ADAMTS12: variants seen among roughly 807,000 people sequenced by gnomAD.
ADAMTS12 encodes the protein ADAM metallopeptidase with thrombospondin type 1 motif 12, also known as A disintegrin and metalloproteinase with thrombospondin motifs 12.
Under a neutral mutation model 167.8 loss-of-function variants are expected in ADAMTS12, and 118 were observed. The observed-to-expected ratio is 0.70, with a 90% CI of 0.61 to 0.82. The LOEUF (loss-of-function observed/expected upper bound fraction) is 0.82. Among genes scored for constraint, ADAMTS12 ranks in the 40% least tolerant of loss-of-function variants. ADAMTS12 has a pLI of 0.00. For synonymous variants in ADAMTS12, 704 were observed against 716.9 expected (o/e 0.98, Z 0.29); for missense variants, 1,916 against 1,998.8 (o/e 0.96, Z 0.79).
intron 3 of ADAMTS12, among the ~76,000 whole-genome samples, chr5:33,725,778 G>A (rs1324162052): frequency 6.6e-6 from 1 of 152,110 alleles, no homozygotes; most frequent in Non-Finnish European, 1.5e-5. Context: ...ATCAAAGTAG[G>A]TTCCCAGGAC....
At chr5:33,828,894 CCT>C (rs1342883271) in intron 2 of ADAMTS12, among the ~76,000 whole-genome samples, 1 of 152,088 alleles carries the variant, frequency 6.6e-6, no homozygotes, top group Non-Finnish European at 1.5e-5. Flanking sequence ...CTCTTTCGCC[CCT>C]GTGTTGCAGT....
At chr5:33,783,391 T>A (rs1199153471) in intron 2 of ADAMTS12, among the ~76,000 whole-genome samples, 1 of 151,350 alleles carries the variant, frequency 6.6e-6, no homozygotes, top group Admixed American at 6.6e-5. Context: ...AAATTAAAAA[T>A]TAATTAAGTA....
intron 3 of ADAMTS12, among the ~76,000 whole-genome samples, chr5:33,747,530 C>T (rs1282730167): frequency 2.6e-5 from 4 of 152,156 alleles, no homozygotes; most frequent in Non-Finnish European, 5.9e-5. Context: ...TTTCATTCCA[C>T]TACTGGGTGG....
At chr5:33,867,284 A>G (rs1406736374) in intron 2 of ADAMTS12, among the ~76,000 whole-genome samples, 8 of 152,200 alleles carry the variant, frequency 5.3e-5, no homozygotes, top group Non-Finnish European at 1.2e-4. Flanking sequence ...CAGCCATAAA[A>G]AAGAAGAAAA....
intron 11 of ADAMTS12, among the ~76,000 whole-genome samples, chr5:33,641,011 A>C (rs1740420243): frequency 6.6e-6 from 1 of 151,914 alleles, no homozygotes; most frequent in African/African-American, 2.4e-5. Flanking sequence ...CCTACTTTTC[A>C]AAGTAGATGA....
intron 20 of ADAMTS12, among the ~76,000 whole-genome samples, chr5:33,549,669 T>C (rs1478989790): frequency 6.6e-6 from 1 of 152,210 alleles, no homozygotes; most frequent in Non-Finnish European, 1.5e-5. Flanking sequence ...TAAACTGGGA[T>C]CATAACTGCT....
chr5:33,576,121 G>A lies in ADAMTS12; in HGVS notation c.3905C>T (p.Ala1302Val), dbSNP rs377708478. ...SLITEGFLLN[A>V]SNYKQLTNGH... ...GTTTGTGAGCTGCTTGTAATTGGAG[G>A]CATTTAGCAAAAAGCCCTCAGTAAT... Residue 1302 changes from alanine (A) to valine (V), a missense_variant, in exon 19 of 24, where the codon GCC becomes GTC. Transcript: ENST00000504830. 2 of 1,613,904 alleles carry A rather than the reference G, an allele frequency of 1.2e-6. No homozygotes were observed. Among genetic ancestry groups the A allele is most frequent in the African/African-American group, 2.7e-5 (2 of 74,862 alleles).
chr5:33,866,685 G>C (rs1287387659), intron 2 of ADAMTS12, among the ~76,000 whole-genome samples: 1 of 151,902 alleles, frequency 6.6e-6, no homozygotes. Context: ...GACAATATTT[G>C]CTAACTATGC....
At chr5:33,764,224 A>T (rs1745454399) in intron 2 of ADAMTS12, among the ~76,000 whole-genome samples, 1 of 152,218 alleles carries the variant, frequency 6.6e-6, no homozygotes, top group Admixed American at 6.5e-5. Flanking sequence ...TACTTTAATT[A>T]TTAGAAATCT....
At chr5:33,872,392 C>A (rs1219000456) in intron 2 of ADAMTS12, among the ~76,000 whole-genome samples, 1 of 151,858 alleles carries the variant, frequency 6.6e-6, no homozygotes, top group South Asian at 2.1e-4. Flanking sequence ...AAAAAAAATA[C>A]AAAAATTAGC....
At chr5:33,786,916 T>C (rs1238057967) in intron 2 of ADAMTS12, among the ~76,000 whole-genome samples, 1 of 152,230 alleles carries the variant, frequency 6.6e-6, no homozygotes, top group East Asian at 1.9e-4. Flanking sequence ...GTGGGGATTC[T>C]GGTCCATCAG....
intron 1 of ADAMTS12, among the ~76,000 whole-genome samples, chr5:33,889,445 A>T (rs547342817): frequency 1.9e-4 from 29 of 152,334 alleles, no homozygotes; most frequent in African/African-American, 6.0e-4. Context: ...TAGGTAGGTC[A>T]TTTGGAGGGA....
intron 2 of ADAMTS12, among the ~76,000 whole-genome samples, chr5:33,849,546 A>ATG (rs1749124465): frequency 1.4e-5 from 2 of 146,226 alleles, no homozygotes; most frequent in Non-Finnish European, 3.0e-5. Flanking sequence ...ATATATACAT[A>ATG]TATGTACTGC....
chr5:33,764,127 C>A (rs1745450254), intron 2 of ADAMTS12, among the ~76,000 whole-genome samples: 1 of 151,514 alleles, frequency 6.6e-6, no homozygotes, highest in Non-Finnish European at 1.5e-5. Flanking sequence ...GATACTGGAA[C>A]TGCCTCCTCA....
At chr5:33,608,080 C>T (rs1479291035) in intron 16 of ADAMTS12, among the ~76,000 whole-genome samples, 2 of 152,144 alleles carry the variant, frequency 1.3e-5, no homozygotes, top group East Asian at 1.9e-4. Context: ...GGTGGAGCAC[C>T]CAGAGGGGGC....
chr5:33,812,740 T>C (rs376984371), intron 2 of ADAMTS12, among the ~76,000 whole-genome samples: 4 of 152,232 alleles, frequency 2.6e-5, no homozygotes, highest in South Asian at 4.1e-4. Flanking sequence ...TTCTATTGTT[T>C]GAATACATCA....
At position 33,658,206 on chromosome 5, in the gene ADAMTS12, T is replaced by G. The variant is rs531024651; in HGVS notation, c.1168A>C (p.Ile390Leu). The G allele has an allele frequency of 7.4e-6, 12 of 1,613,540 alleles. No individual in the cohort carries two copies. The highest frequency in any genetic ancestry group is 7.6e-6 in the Non-Finnish European group (9 of 1,179,612). The change falls in exon 7 of 24, where the codon ATT becomes CTT. Residue 390 changes from isoleucine to leucine, a missense_variant. Coordinates refer to ENST00000504830, the MANE Select transcript of ADAMTS12 (RefSeq NM_030955.4). The part of the protein sequence containing the change: ...EDSGLPLAFT[I>L]AHELGHSFGI... Reference sequence around the variant, plus strand: ...TACCTGTGTCCTAGCTCATGGGCAATTGTGAAAGCCAGAGGGAGTCCCGAA... The same window carrying G: ...TACCTGTGTCCTAGCTCATGGGCAAGTGTGAAAGCCAGAGGGAGTCCCGAA...
chr5:33,761,818 G>A (rs16891677), intron 2 of ADAMTS12, among the ~76,000 whole-genome samples: 3,517 of 152,186 alleles, frequency 0.023, 146 homozygotes, highest in African/African-American at 0.08. Context: ...TCCTACTTAG[G>A]CTAATAGGCT....
chr5:33,789,109 G>A (rs564409028), intron 2 of ADAMTS12, among the ~76,000 whole-genome samples: 2 of 152,320 alleles, frequency 1.3e-5, no homozygotes, highest in East Asian at 3.9e-4. Flanking sequence ...TCATGATTGG[G>A]ATCTATGAGA....
Sources: gnomAD v4.1 joint callset for allele counts (sites outside exome capture counted in the v4.1 genomes callset) on GRCh38, gnomAD v4.1.1 for gene constraint, MANE v1.5 for transcripts, NCBI Gene and HGNC (gene_info 2026-07-23, HGNC 2026-07-21) for gene names.